Variants in KCNA6 observed in about 807,000 individuals in gnomAD.
The protein encoded by KCNA6 is human brain potassium channel-2.
Under a neutral mutation model 29.5 loss-of-function variants are expected in KCNA6, and 17 were observed. That is an observed-to-expected ratio of 0.58 (90% CI 0.39 to 0.86). KCNA6 has a LOEUF of 0.86. KCNA6 is among the 40% of genes least tolerant of loss of function. The pLI is 0.00. For missense variants in KCNA6, 450 were observed against 703.4 expected (o/e 0.64, Z 4.07); for synonymous variants, 296 against 304.7 (o/e 0.97, Z 0.30).
the KCNA6 span, among the ~76,000 whole-genome samples, chr12:4,836,240 C>T: frequency 2.0e-5 from 3 of 152,096 alleles, no homozygotes; most frequent in Non-Finnish European, 4.4e-5. Context: ...CAAGCCACCA[C>T]GCCTGGCCAA....
At chr12:4,813,837 A>G (rs1417162537), downstream of KCNA6, 13 of 167,102 alleles carry the variant, frequency 7.8e-5, no homozygotes. Flanking sequence ...GTATCTCTGT[A>G]TATGTGTATG....
At chr12:4,816,294 G>GTGTC (rs1177656855), downstream of KCNA6, among the ~76,000 whole-genome samples, 2 of 140,398 alleles carry the variant, frequency 1.4e-5, no homozygotes, top group African/African-American at 2.6e-5. Context: ...GTGTGTGTGT[G>GTGTC]TGTCTGTGTG....
chr12:4,811,896 T>G lies in KCNA6; in HGVS notation c.*265T>G, dbSNP rs1946635983. 5 of 480,966 alleles carry G rather than the reference T, an allele frequency of 1.0e-5. 1 individual carries two copies. 29.8% of individuals were successfully genotyped at this position (480,966 alleles called of 1,614,324 possible). A position where few individuals can be genotyped will look rare whatever the true frequency, so the allele number is the denominator to read the frequency against. On this transcript the variant is annotated 3_prime_UTR_variant, in exon 1 of 1. Coordinates refer to ENST00000280684, the Ensembl canonical transcript of KCNA6. The surrounding 1 kb of genome is among the most constrained non-coding windows in gnomAD (Gnocchi z 7.1). ...CCCAGCTTCTGTCATATGAATGAGA[T>G]ATACATTTATGTCTGACCTTCCCTC...
the KCNA6 span, among the ~76,000 whole-genome samples, chr12:4,831,004 G>A: frequency 2.6e-5 from 4 of 152,194 alleles, no homozygotes; most frequent in African/African-American, 9.7e-5. Context: ...GTTGGTGTGG[G>A]GGAGTCAGCA....
At chr12:4,824,695 C>T in the KCNA6 span, among the ~76,000 whole-genome samples, 1 of 152,116 alleles carries the variant, frequency 6.6e-6, no homozygotes, top group African/African-American at 2.4e-5. Context: ...TGTGGGCTGC[C>T]GTAAGCGGGA....
chr12:4,841,356 C>T, the KCNA6 span, among the ~76,000 whole-genome samples: 1 of 152,018 alleles, frequency 6.6e-6, no homozygotes, highest in East Asian at 1.9e-4. Context: ...TTGATTTAAT[C>T]TTATTTTTGG....
downstream of KCNA6, among the ~76,000 whole-genome samples, chr12:4,817,749 AT>A (rs570594641): frequency 2.4e-4 from 36 of 150,378 alleles, no homozygotes; most frequent in East Asian, 3.9e-4. Context: ...ATTTATTACA[AT>A]TTTTTTTTTA....
the KCNA6 span, chr12:4,842,730 T>C: frequency 0.71 from 107,685 of 152,114 alleles, 38,945 homozygotes; most frequent in African/African-American, 0.77. Flanking sequence ...ATCCAATCAC[T>C]TCCCACCAGG....
At chr12:4,826,680 G>A in the KCNA6 span, among the ~76,000 whole-genome samples, 1 of 152,224 alleles carries the variant, frequency 6.6e-6, no homozygotes, top group Admixed American at 6.5e-5. Context: ...CTGGGTTTCT[G>A]CTTGAAAATT....
At chr12:4,834,830 G>A in the KCNA6 span, among the ~76,000 whole-genome samples, 1 of 152,070 alleles carries the variant, frequency 6.6e-6, no homozygotes, top group Non-Finnish European at 1.5e-5. Flanking sequence ...CTTTCAGGAG[G>A]GTGAGAGAAC....
At chr12:4,830,479 G>A in the KCNA6 span, among the ~76,000 whole-genome samples, 13 of 152,310 alleles carry the variant, frequency 8.5e-5, 1 homozygote, top group African/African-American at 3.1e-4. Context: ...CCCCTGCAGT[G>A]GTGAGTCCCA....
exon 1 of KCNA6, chr12:4,813,308 T>A (rs921563526): frequency 7.2e-5 from 12 of 167,036 alleles, no homozygotes; most frequent in African/African-American, 2.9e-4. Flanking sequence ...ACCCATTAAA[T>A]GGGAACATTA....
At chr12:4,831,727 G>A in the KCNA6 span, among the ~76,000 whole-genome samples, 1 of 152,162 alleles carries the variant, frequency 6.6e-6, no homozygotes, top group Non-Finnish European at 1.5e-5. Flanking sequence ...AAGACACGGA[G>A]CTTCTGAAAA....
At chr12:4,841,826 G>A in the KCNA6 span, among the ~76,000 whole-genome samples, 1 of 152,126 alleles carries the variant, frequency 6.6e-6, no homozygotes, top group Non-Finnish European at 1.5e-5. Flanking sequence ...GAATTTTATG[G>A]TAGAGATGAG....
downstream of KCNA6, among the ~76,000 whole-genome samples, chr12:4,817,749 A>AT (rs570594641): frequency 4.1e-4 from 61 of 150,284 alleles, no homozygotes; most frequent in African/African-American, 5.6e-4. Flanking sequence ...ATTTATTACA[A>AT]TTTTTTTTTT....
At chr12:4,809,769 C>T (rs1946602993) in exon 1 of KCNA6, 3 of 395,834 alleles carry the variant, frequency 7.6e-6, no homozygotes, top group Admixed American at 4.2e-5. Context: ...GTGTGCGGTT[C>T]CGGGCATCCC....
chr12:4,840,731 A>G, the KCNA6 span, among the ~76,000 whole-genome samples: 6 of 152,348 alleles, frequency 3.9e-5, no homozygotes, highest in Non-Finnish European at 5.9e-5. Flanking sequence ...TGGTCCCAGA[A>G]TTCCCTGCTG....
the KCNA6 span, among the ~76,000 whole-genome samples, chr12:4,835,970 G>T: frequency 3.6e-5 from 5 of 138,006 alleles, no homozygotes; most frequent in African/African-American, 1.1e-4. Context: ...ACGGAGTTTC[G>T]CTCTTGTTGC....
At chr12:4,849,266 A>G in the KCNA6 span, among the ~76,000 whole-genome samples, 1 of 152,124 alleles carries the variant, frequency 6.6e-6, no homozygotes, top group Non-Finnish European at 1.5e-5. Context: ...ATTGAGTCTA[A>G]TGACCCGTAG....
Sources: gnomAD v4.1 joint callset for allele counts (sites outside exome capture counted in the v4.1 genomes callset) on GRCh38, gnomAD v4.1.1 for gene constraint, Gnocchi (gnomAD v3.1) non-coding constraint, MANE v1.5 for transcripts, NCBI Gene and HGNC (gene_info 2026-07-23, HGNC 2026-07-21) for gene names.